The following SUCLG2 variants were observed in gnomAD, a reference collection of about 807,000 sequenced individuals.
The protein encoded by SUCLG2 is succinate-CoA ligase GDP-forming subunit beta.
SUCLG2 carries 42 observed loss-of-function variants against 47.9 expected under a neutral mutation model. That is an observed-to-expected ratio of 0.88 (90% CI 0.69 to 1.14). The LOEUF (loss-of-function observed/expected upper bound fraction) is 1.14. Ranked by LOEUF, SUCLG2 falls within the 50% of genes most tolerant of loss-of-function variation. SUCLG2 has a pLI of 0.00. For synonymous variants in SUCLG2, 195 were observed against 197.3 expected (o/e 0.99, Z 0.10); for missense variants, 571 against 525.9 (o/e 1.09, Z -0.84).
At chr3:67,591,882 T>C (rs1385301196) in intron 2 of SUCLG2, among the ~76,000 whole-genome samples, 1 of 152,208 alleles carries the variant, frequency 6.6e-6, no homozygotes, top group East Asian at 1.9e-4. Flanking sequence ...CAATTTTCTA[T>C]GTAATTAAAT....
chr3:67,562,411 G>A (rs950021338), intron 2 of SUCLG2, among the ~76,000 whole-genome samples: 1 of 152,034 alleles, frequency 6.6e-6, no homozygotes, highest in African/African-American at 2.4e-5. Context: ...CCAAGTAGCT[G>A]GGATTACAGG....
intron 7 of SUCLG2, among the ~76,000 whole-genome samples, chr3:67,505,604 TA>T (rs1291411943): frequency 6.6e-6 from 1 of 152,102 alleles, no homozygotes; most frequent in Non-Finnish European, 1.5e-5. Context: ...ATATGAACAA[TA>T]ACCTGAATTA....
intron 2 of SUCLG2, among the ~76,000 whole-genome samples, chr3:67,600,097 T>A (rs563847204): frequency 6.6e-6 from 1 of 152,358 alleles, no homozygotes; most frequent in African/African-American, 2.4e-5. Flanking sequence ...TCATTTTCTT[T>A]AAAAATTATG....
At chr3:67,562,962 A>C (rs1181534721) in intron 2 of SUCLG2, among the ~76,000 whole-genome samples, 1 of 151,802 alleles carries the variant, frequency 6.6e-6, no homozygotes, top group Non-Finnish European at 1.5e-5. Flanking sequence ...AAAACTATAT[A>C]ATTTACACAT....
chr3:67,544,375 T>C (rs1353218046), intron 2 of SUCLG2, among the ~76,000 whole-genome samples: 1 of 152,164 alleles, frequency 6.6e-6, no homozygotes, highest in Non-Finnish European at 1.5e-5. Context: ...TCCTCCATGC[T>C]GTTCTCATGA....
At chr3:67,653,611 G>A (rs1481080879) in intron 1 of SUCLG2, among the ~76,000 whole-genome samples, 1 of 152,170 alleles carries the variant, frequency 6.6e-6, no homozygotes, top group African/African-American at 2.4e-5. Context: ...TGGGGAAATA[G>A]GCAAGGTCAT....
At chr3:67,386,601 G>T (rs1702266594) in intron 10 of SUCLG2, among the ~76,000 whole-genome samples, 1 of 152,216 alleles carries the variant, frequency 6.6e-6, no homozygotes, top group South Asian at 2.1e-4. Flanking sequence ...TGGCAGGCAA[G>T]AAAGGGCATG....
intron 2 of SUCLG2, among the ~76,000 whole-genome samples, chr3:67,602,364 C>G (rs1708439074): frequency 2.0e-5 from 3 of 152,092 alleles, no homozygotes. Flanking sequence ...TCTGAGAAAA[C>G]TGAAAGGAAG....
intron 9 of SUCLG2, among the ~76,000 whole-genome samples, chr3:67,473,735 C>T (rs1704663403): frequency 6.6e-6 from 1 of 152,200 alleles, no homozygotes; most frequent in Non-Finnish European, 1.5e-5. Context: ...TACCACCAGT[C>T]TTTAACTTCC....
At chr3:67,483,388 C>T (rs965815978) in intron 9 of SUCLG2, among the ~76,000 whole-genome samples, 13 of 152,168 alleles carry the variant, frequency 8.5e-5, no homozygotes, top group Non-Finnish European at 1.6e-4. Flanking sequence ...AATCATGGAA[C>T]GGCGATGACA....
intron 9 of SUCLG2, among the ~76,000 whole-genome samples, chr3:67,475,412 G>A (rs527705700): frequency 2.0e-5 from 3 of 152,154 alleles, no homozygotes; most frequent in Non-Finnish European, 2.9e-5. Context: ...GATTAAAGGC[G>A]AATCTGTCAC....
At chr3:67,401,391 T>A (rs1321304218) in intron 9 of SUCLG2, among the ~76,000 whole-genome samples, 1 of 152,158 alleles carries the variant, frequency 6.6e-6, no homozygotes, top group Admixed American at 6.5e-5. Context: ...AGTTTAATTA[T>A]CTTAGACAGC....
At chr3:67,408,653 T>C in intron 9 of SUCLG2, 1 of 1,092,008 alleles carries the variant, frequency 9.2e-7, no homozygotes, top group Non-Finnish European at 1.1e-6. Context: ...GTCTATTCTC[T>C]TCTTCCTAAA....
chr3:67,591,813 AC>A (rs1708174344), intron 2 of SUCLG2, among the ~76,000 whole-genome samples: 1 of 152,178 alleles, frequency 6.6e-6, no homozygotes, highest in Non-Finnish European at 1.5e-5. Context: ...ACTGCCTAAA[AC>A]TAAATAATAG....
intron 2 of SUCLG2, among the ~76,000 whole-genome samples, chr3:67,574,573 A>G (rs1707695961): frequency 6.6e-6 from 1 of 152,240 alleles, no homozygotes; most frequent in Non-Finnish European, 1.5e-5. Context: ...ATAGATTCAC[A>G]GACTTAAATG....
Position 67,522,162 on chromosome 3 carries a change from C to A in SUCLG2, c.418-1528G>T, listed in dbSNP as rs145179251. ...CTTGACCTCCCAGGTTCAAACGAAT[C>A]TCCTGAGTAGCTGAAACTACAGGCA... On this transcript the variant is annotated intron_variant, in intron 4 of 10. Coordinates refer to ENST00000307227, the MANE Select transcript of SUCLG2 (RefSeq NM_003848.4). Among the ~76,000 whole-genome samples, 668 of 151,974 alleles carry A rather than the reference C, an allele frequency of 4.4e-3. 10 individuals are homozygous for A. The East Asian group carries it at 0.053, about 12-fold the overall frequency.
chr3:67,474,934 G>A (rs1398121585), intron 9 of SUCLG2, among the ~76,000 whole-genome samples: 1 of 151,176 alleles, frequency 6.6e-6, no homozygotes, highest in Non-Finnish European at 1.5e-5. Flanking sequence ...CCAACCCTCA[G>A]AATTGCTCAC....
chr3:67,498,419 G>T, intron 7 of SUCLG2, 124 bp from the exon 8 acceptor site: 1 of 1,031,422 alleles, frequency 9.7e-7, no homozygotes, highest in Non-Finnish European at 1.4e-6. Context: ...ACATGTTACA[G>T]GCAGGAGAGG....
chr3:67,427,139 A>G (rs1703323079), intron 9 of SUCLG2, among the ~76,000 whole-genome samples: 1 of 152,224 alleles, frequency 6.6e-6, no homozygotes, highest in Admixed American at 6.5e-5. Context: ...GGTTCCAGTC[A>G]CCTAAAATAG....
Sources: allele counts gnomAD v4.1 joint callset (sites outside exome capture counted in the v4.1 genomes callset), GRCh38; gene constraint gnomAD v4.1.1; transcripts MANE v1.5; gene names NCBI Gene and HGNC (gene_info 2026-07-23, HGNC 2026-07-21).